The following ZFHX4 variants were observed in gnomAD, a reference collection of about 807,000 sequenced individuals.
The protein encoded by ZFHX4 is zinc finger homeobox protein 4.
A neutral mutation model predicts 267.6 loss-of-function variants in ZFHX4; 56 were observed. That is an observed-to-expected ratio of 0.21 (90% CI 0.17 to 0.26). ZFHX4 has a LOEUF of 0.26. Among genes scored for constraint, ZFHX4 ranks in the 10% least tolerant of loss-of-function variants. The pLI, the probability that ZFHX4 is intolerant of heterozygous loss-of-function variation, is 1.00. For missense variants in ZFHX4, 4,332 were observed against 4,420.0 expected, an observed-to-expected ratio of 0.98 and a Z score of 0.56; for synonymous variants, 1,778 against 1,665.6, an observed-to-expected ratio of 1.07 and a Z score of -1.64.
intron 3 of ZFHX4, among the ~76,000 whole-genome samples, chr8:76,726,462 G>C (rs973742543): frequency 4.6e-5 from 7 of 152,176 alleles, no homozygotes; most frequent in Non-Finnish European, 1.0e-4. Flanking sequence ...ATATGGAAAT[G>C]AAAGTGTAAA....
chr8:76,748,538 G>A (rs1017963550), intron 3 of ZFHX4, among the ~76,000 whole-genome samples: 3 of 152,106 alleles, frequency 2.0e-5, no homozygotes, highest in Admixed American at 2.0e-4. Context: ...GGACTCAAGC[G>A]ATCCTCCCAC....
chr8:76,718,741 T>C (rs963938687), intron 3 of ZFHX4, among the ~76,000 whole-genome samples: 1 of 152,116 alleles, frequency 6.6e-6, no homozygotes, highest in African/African-American at 2.4e-5. Context: ...AGAAAATCTC[T>C]TCCTGATTAT....
At chr8:76,766,529 A>G (rs1007201872) in intron 3 of ZFHX4, among the ~76,000 whole-genome samples, 1 of 152,144 alleles carries the variant, frequency 6.6e-6, no homozygotes, top group African/African-American at 2.4e-5. Context: ...AAGCAAAAAC[A>G]CTATTATTTT....
chr8:76,688,059 G>A (rs973195956), intron 1 of ZFHX4, among the ~76,000 whole-genome samples: 7 of 152,300 alleles, frequency 4.6e-5, no homozygotes, highest in African/African-American at 1.2e-4. Context: ...TCATTGGGAC[G>A]TAATGTGTAT....
chr8:76,728,783 C>T (rs1487210536), intron 3 of ZFHX4, among the ~76,000 whole-genome samples: 1 of 152,180 alleles, frequency 6.6e-6, no homozygotes, highest in East Asian at 1.9e-4. Context: ...GAAGTGATTA[C>T]CCTGAATTAT....
chr8:76,807,066 T>C (rs760912629), intron 4 of ZFHX4, among the ~76,000 whole-genome samples: 6 of 152,166 alleles, frequency 3.9e-5, no homozygotes, highest in Non-Finnish European at 8.8e-5. Context: ...TTGGAAATAA[T>C]GGCATCATGC....
intron 3 of ZFHX4, among the ~76,000 whole-genome samples, chr8:76,717,979 G>T (rs1439220727): frequency 6.6e-6 from 1 of 152,148 alleles, no homozygotes; most frequent in East Asian, 1.9e-4. Flanking sequence ...GCAGGCCTGA[G>T]AATAACACTA....
chr8:76,776,231 G>A (rs936853269), intron 3 of ZFHX4, among the ~76,000 whole-genome samples: 3 of 151,814 alleles, frequency 2.0e-5, no homozygotes, highest in African/African-American at 7.3e-5. Flanking sequence ...AATGACATTG[G>A]TTGAATACCA....
In ZFHX4 at chr8:76,853,659, C is replaced by A; in HGVS notation, c.6738C>A (p.Asp2246Glu). 6.2e-7 allele frequency: 1 copy of A among 1,613,600 alleles called. No homozygotes were observed. The highest frequency in any genetic ancestry group is 8.5e-7 in the Non-Finnish European group (1 of 1,179,760). The stretch of plus-strand genomic sequence containing the variant: ...TTAGGGTTCTGCAAGACTTTTTTGA[C>A]ACAAACGCTTACCCAAAAGATGATG... Reference protein sequence around the residue: ...YQLRVLQDFFDTNAYPKDDEI... With the variant: ...YQLRVLQDFFETNAYPKDDEI... The change falls in exon 10 of 11, where the codon GAC becomes GAA. Residue 2246 changes from aspartate to glutamate, a missense_variant. Physicochemically the swap from Asp to Glu is conservative, Grantham distance 45. Around this residue, in one of 7 missense-constraint regions of ZFHX4, gnomAD observed 62 missense variants for 69.8 expected, o/e 0.89. Coordinates refer to ENST00000651372, the MANE Select transcript of ZFHX4 (RefSeq NM_024721.5).
At chr8:76,767,562 TAG>T (rs1003585989) in intron 3 of ZFHX4, among the ~76,000 whole-genome samples, 1 of 152,168 alleles carries the variant, frequency 6.6e-6, no homozygotes, top group African/African-American at 2.4e-5. Flanking sequence ...CAAAAGTTAT[TAG>T]ATACCTGCAC....
intron 3 of ZFHX4, among the ~76,000 whole-genome samples, chr8:76,774,516 G>A (rs1810354180): frequency 6.6e-6 from 1 of 151,908 alleles, no homozygotes; most frequent in Non-Finnish European, 1.5e-5. Flanking sequence ...TCTTAACTAA[G>A]TTGTTTTGCT....
chr8:76,798,186 G>A (rs879368784), intron 4 of ZFHX4, among the ~76,000 whole-genome samples: 1 of 152,096 alleles, frequency 6.6e-6, no homozygotes. Flanking sequence ...CTGTGGTTCA[G>A]TAATTATCCT....
intron 3 of ZFHX4, among the ~76,000 whole-genome samples, chr8:76,721,119 G>T (rs1808710671): frequency 6.6e-6 from 1 of 152,130 alleles, no homozygotes; most frequent in Non-Finnish European, 1.5e-5. Context: ...AGGAAGAAAA[G>T]AATGAATGAT....
chr8:76,846,475 T>C (rs567271847), intron 6 of ZFHX4, among the ~76,000 whole-genome samples: 1 of 152,216 alleles, frequency 6.6e-6, no homozygotes, highest in Admixed American at 6.6e-5. Context: ...GACGCATAAC[T>C]GTATTGAATA....
intron 4 of ZFHX4, among the ~76,000 whole-genome samples, chr8:76,814,669 G>C (rs944267901): frequency 6.6e-6 from 1 of 152,092 alleles, no homozygotes; most frequent in African/African-American, 2.4e-5. Context: ...TGTGTTTAAT[G>C]CCATCCCTGA....
rs964651986 is a variant in ZFHX4, at chr8:76,854,036, C to A, written c.7115C>A (p.Ala2372Glu). Residue 2372 changes from alanine to glutamate, a missense_variant, in exon 10 of 11, where the codon GCA (alanine) becomes GAA (glutamate). Physicochemically the swap from Ala to Glu is moderately radical, Grantham distance 107. Around this residue, in one of 7 missense-constraint regions of ZFHX4, gnomAD observed 1,648 missense variants for 1,625.0 expected, o/e 1.01. Coordinates refer to ENST00000651372, the MANE Select transcript of ZFHX4 (RefSeq NM_024721.5). Reference sequence around the variant, plus strand: ...TGCACAGTGTCTGGCCAAACGGATGCAGCTAAAAACGCTGCTGCCCCTGCA... The same window carrying A: ...TGCACAGTGTCTGGCCAAACGGATGAAGCTAAAAACGCTGCTGCCCCTGCA... ...KHCTVSGQTD[A>E]AKNAAAPAAS... The A allele has an allele frequency of 6.2e-6, 10 of 1,613,784 alleles. No individual in the cohort carries two copies. The African/African-American group carries it at 1.2e-4, about 19-fold the overall frequency.
At chr8:76,856,802 G>A (rs926517731) in intron 10 of ZFHX4, among the ~76,000 whole-genome samples, 1 of 152,102 alleles carries the variant, frequency 6.6e-6, no homozygotes, top group Non-Finnish European at 1.5e-5. Flanking sequence ...TCAGCCACAG[G>A]TATTCACCCA....
At chr8:76,860,780 T>TTTA (rs1812845095) in intron 10 of ZFHX4, among the ~76,000 whole-genome samples, 4 of 152,158 alleles carry the variant, frequency 2.6e-5, no homozygotes, top group South Asian at 2.1e-4. Flanking sequence ...GAATGGAAAA[T>TTTA]AGTGTATACT....
intron 10 of ZFHX4, among the ~76,000 whole-genome samples, chr8:76,860,471 C>A (rs1039269464): frequency 6.6e-6 from 1 of 152,044 alleles, no homozygotes; most frequent in Non-Finnish European, 1.5e-5. Flanking sequence ...TGCTTTCTAA[C>A]CACAATTGCT....
Sources: allele counts gnomAD v4.1 joint callset (sites outside exome capture counted in the v4.1 genomes callset), GRCh38; gene constraint gnomAD v4.1.1; regional missense constraint gnomAD v4.1.1; transcripts MANE v1.5; gene names NCBI Gene and HGNC (gene_info 2026-07-23, HGNC 2026-07-21).